Variants in ARL5B observed in about 807,000 individuals in gnomAD.
ARL5B encodes ARF like GTPase 5B, also known as ADP-ribosylation factor-like protein 5B.
A neutral mutation model predicts 26.9 loss-of-function variants in ARL5B; 10 were observed. That is an observed-to-expected ratio of 0.37 (90% CI 0.23 to 0.63). The LOEUF (loss-of-function observed/expected upper bound fraction) is 0.63, where lower values mean the gene tolerates loss of function less well. Among genes scored for constraint, ARL5B ranks in the 30% least tolerant of loss-of-function variants. The pLI, the probability that ARL5B is intolerant of heterozygous loss-of-function variation, is 0.62. For synonymous variants in ARL5B, 87 were observed against 70.4 expected (o/e 1.24, Z -1.18); for missense variants, 167 against 213.9 (o/e 0.78, Z 1.37).
intron 3 of ARL5B, among the ~76,000 whole-genome samples, chr10:18,671,910 C>T (rs1195132723): frequency 6.6e-6 from 1 of 152,222 alleles, no homozygotes; most frequent in Non-Finnish European, 1.5e-5. Context: ...CCTCACCTCC[C>T]AGAGTGCTGG....
chr10:18,673,525 A>G (rs914788718), intron 4 of ARL5B, among the ~76,000 whole-genome samples: 23 of 152,208 alleles, frequency 1.5e-4, no homozygotes, highest in Admixed American at 6.5e-5. Flanking sequence ...TTTCCACAGT[A>G]TGAGTATATC....
chr10:18,665,450 T>C (rs2059857248), intron 1 of ARL5B, among the ~76,000 whole-genome samples: 1 of 152,222 alleles, frequency 6.6e-6, no homozygotes, highest in South Asian at 2.1e-4. Flanking sequence ...CTGTTTATCC[T>C]GCACTGTAAT....
intron 1 of ARL5B, among the ~76,000 whole-genome samples, chr10:18,663,538 A>ATTC (rs1554891950): frequency 8.0e-6 from 1 of 125,750 alleles, no homozygotes; most frequent in Non-Finnish European, 1.6e-5. Flanking sequence ...TCTTTAGCTT[A>ATTC]TTCTGCTCTT....
chr10:18,672,570 A>G (rs773802951), intron 3 of ARL5B, 52 bp from the exon 4 acceptor site: 28 of 1,385,144 alleles, frequency 2.0e-5, no homozygotes, highest in Non-Finnish European at 2.8e-5. Flanking sequence ...TTTACAGAAA[A>G]CTTTTCAGCA....
At chr10:18,670,200 GT>G (rs371051623) in intron 3 of ARL5B, among the ~76,000 whole-genome samples, 50 of 152,272 alleles carry the variant, frequency 3.3e-4, no homozygotes, top group South Asian at 6.2e-4. Flanking sequence ...ATCAGAACTT[GT>G]GGTAGCACTG....
intron 5 of ARL5B, 101 bp downstream of exon 5, chr10:18,674,236 G>A: frequency 8.8e-7 from 1 of 1,139,126 alleles, no homozygotes; most frequent in Non-Finnish European, 1.2e-6. Flanking sequence ...TTTTCTGTTT[G>A]TTTGTTCTTA....
rs2059862976 is a variant in ARL5B at position 18,666,745 on chromosome 10, T to C, written c.107+110T>C. 5 of 825,660 alleles carry C rather than the reference T, an allele frequency of 6.1e-6. No individual in the cohort carries two copies. The South Asian group carries it at 1.1e-4, about 18-fold the overall frequency. 51.1% of individuals were successfully genotyped at this position (825,660 alleles called of 1,614,324 possible). On this transcript the variant is annotated intron_variant, in intron 2 of 5. Transcript: ENST00000377275. ...GACGGAAAAACTTAAATATATGTTT[T>C]TTGTTTTTTGTTTTTTTAATTTTAC... is the stretch of plus-strand genomic sequence containing the variant.
intron 3 of ARL5B, among the ~76,000 whole-genome samples, chr10:18,672,029 C>G (rs1275048931): frequency 6.6e-6 from 1 of 152,090 alleles, no homozygotes; most frequent in African/African-American, 2.4e-5. Flanking sequence ...CCTCTTTTTT[C>G]TGGTGTCTTG....
chr10:18,675,511 C>T lies in ARL5B; in HGVS notation c.*295C>T, dbSNP rs570744792. The T allele has an allele frequency of 5.1e-5, 17 of 332,802 alleles. No individual in the cohort carries two copies. Among genetic ancestry groups the T allele is most frequent in the African/African-American group, 2.7e-4 (13 of 47,798 alleles). 20.6% of individuals were successfully genotyped at this position (332,802 alleles called of 1,614,324 possible). On this transcript the variant is annotated 3_prime_UTR_variant, in exon 6 of 6. Transcript: ENST00000377275. ...CCTTGTAAGAAATGTTTGTCATATG[C>T]GTGATGTCTTCTGAAATATTCTTAT... is the stretch of plus-strand genomic sequence containing the variant.
Position 18,668,597 on chromosome 10 carries a change from AAC to A in ARL5B, c.178_179del (p.Thr60SerfsTer32). ...GSNVEEIVVKNTHFLMWDIGG... is the reference protein window; with the variant it reads ...GSNVEEIVVKXTHFLMWDIGG... ...CAATGTTGAAGAAATAGTTGTGAAG[AAC>A]ACTCATTTTCTTATGTGGGATATTG... On this transcript the variant is annotated frameshift_variant, in exon 3 of 6. Coordinates refer to ENST00000377275, the MANE Select transcript of ARL5B (RefSeq NM_178815.5). LOFTEE classifies it high-confidence loss of function. 1 of 1,614,114 alleles carries A rather than the reference AAC, an allele frequency of 6.2e-7. No homozygotes were observed. Among genetic ancestry groups the A allele is most frequent in the Non-Finnish European group, 8.5e-7 (1 of 1,179,990 alleles).
chr10:18,673,942 T>G, intron 4 of ARL5B, 42 bp from the exon 5 acceptor site: 2 of 1,537,972 alleles, frequency 1.3e-6, no homozygotes, highest in East Asian at 2.4e-5. Context: ...AAATTTAAAT[T>G]GTGGTATTTC....
At chr10:18,668,462 A>C (rs1481576916) in intron 2 of ARL5B, 68 bp from the exon 3 acceptor site, 5 of 1,541,852 alleles carry the variant, frequency 3.2e-6, no homozygotes, top group Non-Finnish European at 4.4e-6. Flanking sequence ...TCTTAAAAAT[A>C]CAGAGATAAA....
intron 1 of ARL5B, among the ~76,000 whole-genome samples, chr10:18,664,405 T>A (rs1424238519): frequency 6.6e-6 from 1 of 150,716 alleles, no homozygotes; most frequent in African/African-American, 2.4e-5. Context: ...TCTGATTTAC[T>A]GTAACTGATA....
At chr10:18,661,219 C>G (rs1027682319) in intron 1 of ARL5B, among the ~76,000 whole-genome samples, 2 of 152,158 alleles carry the variant, frequency 1.3e-5, no homozygotes, top group African/African-American at 4.8e-5. Flanking sequence ...TTCTCTTTCC[C>G]CTGAGCTGGA....
At chr10:18,672,111 T>C (rs1028009666) in intron 3 of ARL5B, among the ~76,000 whole-genome samples, 5 of 152,222 alleles carry the variant, frequency 3.3e-5, no homozygotes, top group African/African-American at 9.6e-5. Flanking sequence ...GGAGCATTTA[T>C]GGTGGATACT....
chr10:18,664,524 G>A (rs1042527265), intron 1 of ARL5B, among the ~76,000 whole-genome samples: 10 of 132,320 alleles, frequency 7.6e-5, no homozygotes, highest in African/African-American at 2.6e-4. Context: ...CGCAAGCTCC[G>A]TCTTCCGGGT....
rs367626401 is a variant in ARL5B, at chr10:18,675,257, A to G, written c.*41A>G. ...GAGACTGCTCTATTTATTCTGTGAC[A>G]TGAACATTTTTTCCTAGTACCTTTG... On this transcript the variant is annotated 3_prime_UTR_variant, in exon 6 of 6. Coordinates refer to ENST00000377275, the MANE Select transcript of ARL5B (RefSeq NM_178815.5). The G allele has an allele frequency of 2.7e-5, 43 of 1,591,152 alleles. 1 individual carries two copies. In the South Asian group the frequency reaches 3.0e-4, roughly 11 times the overall value.
intron 2 of ARL5B, among the ~76,000 whole-genome samples, chr10:18,668,165 A>C (rs751286687): frequency 6.6e-6 from 1 of 152,172 alleles, no homozygotes; most frequent in South Asian, 2.1e-4. Flanking sequence ...CTATTTTGCA[A>C]TCACCTAGAA....
chr10:18,668,476 T>A (rs1025596351), intron 2 of ARL5B, 54 bp from the exon 3 acceptor site: 1 of 1,588,692 alleles, frequency 6.3e-7, no homozygotes, highest in African/African-American at 1.4e-5. Flanking sequence ...AGATAAAAGT[T>A]GCTTCAGATT....
Sources: allele counts gnomAD v4.1 joint callset (sites outside exome capture counted in the v4.1 genomes callset), GRCh38; gene constraint gnomAD v4.1.1; transcripts MANE v1.5; gene names NCBI Gene and HGNC (gene_info 2026-07-23, HGNC 2026-07-21).